Variants in TNS1 observed in about 807,000 individuals in gnomAD.
TNS1 encodes the protein tensin-1.
In TNS1, 62 loss-of-function variants were observed where a neutral mutation model predicts 168.6. The ratio of observed to expected loss-of-function variants is 0.37; its 90% CI spans 0.30 to 0.45. The LOEUF (loss-of-function observed/expected upper bound fraction) is 0.45. TNS1 is among the 20% of genes least tolerant of loss of function. TNS1 has a pLI of 1.00. For missense variants in TNS1, 2,240 were observed against 2,339.4 expected, an observed-to-expected ratio of 0.96 and a Z score of 0.88; for synonymous variants, 934 against 933.2, an observed-to-expected ratio of 1.00 and a Z score of -0.02.
intron 3 of TNS1, among the ~76,000 whole-genome samples, chr2:217,955,348 G>A (rs761791362): frequency 1.2e-4 from 19 of 152,214 alleles, no homozygotes; most frequent in Non-Finnish European, 2.1e-4. Flanking sequence ...GTGGGCCTCA[G>A]TTTCCCCTCA....
At chr2:217,981,549 G>A (rs926794816) in intron 2 of TNS1, among the ~76,000 whole-genome samples, 1 of 152,228 alleles carries the variant, frequency 6.6e-6, no homozygotes, top group African/African-American at 2.4e-5. Flanking sequence ...GGGAACGAGG[G>A]AAGACCACTC....
chr2:217,963,036 T>G (rs1158333403), intron 3 of TNS1, among the ~76,000 whole-genome samples: 1 of 152,212 alleles, frequency 6.6e-6, no homozygotes, highest in African/African-American at 2.4e-5. Flanking sequence ...GCAAATTTTG[T>G]GTAAGTTTAA....
At chr2:217,875,604 C>A (rs1950144039) in intron 18 of TNS1, among the ~76,000 whole-genome samples, 1 of 152,144 alleles carries the variant, frequency 6.6e-6, no homozygotes, top group Non-Finnish European at 1.5e-5. Flanking sequence ...CTATTTATTT[C>A]TTTCTCCTTC....
chr2:217,969,412 A>G (rs1015673673), intron 3 of TNS1, among the ~76,000 whole-genome samples: 2 of 152,218 alleles, frequency 1.3e-5, no homozygotes, highest in African/African-American at 4.8e-5. Flanking sequence ...ATTTGGCAAT[A>G]AATTCTTAGA....
intron 5 of TNS1, among the ~76,000 whole-genome samples, chr2:217,906,746 G>A (rs923765966): frequency 6.6e-5 from 10 of 152,088 alleles, no homozygotes; most frequent in East Asian, 1.9e-4. Flanking sequence ...GCTGGCCATC[G>A]CCAGGAGATC....
chr2:217,930,999 G>A (rs1956291493), intron 3 of TNS1, among the ~76,000 whole-genome samples: 1 of 152,144 alleles, frequency 6.6e-6, no homozygotes, highest in South Asian at 2.1e-4. Flanking sequence ...GTGAAAGGAG[G>A]TGACAGGCGT....
chr2:217,885,902 G>A (rs1400296367), intron 14 of TNS1, 83 bp from the exon 15 acceptor site: 18 of 1,554,984 alleles, frequency 1.2e-5, no homozygotes, highest in African/African-American at 6.8e-5. Context: ...CTGCCCCTAC[G>A]CCACAGGGTT....
chr2:217,805,861 C>T (rs937885170), intron 32 of TNS1, among the ~76,000 whole-genome samples: 18 of 135,850 alleles, frequency 1.3e-4, no homozygotes, highest in South Asian at 4.8e-4. Context: ...ACACACAACA[C>T]GCAAACACAA....
chr2:217,833,827 T>G (rs938239479), intron 21 of TNS1, among the ~76,000 whole-genome samples: 2 of 152,254 alleles, frequency 1.3e-5, no homozygotes, highest in Admixed American at 6.5e-5. Flanking sequence ...TTTACATTGA[T>G]TATACGTTGA....
intron 18 of TNS1, among the ~76,000 whole-genome samples, chr2:217,863,125 C>G (rs547500784): frequency 6.6e-6 from 1 of 152,214 alleles, no homozygotes; most frequent in Non-Finnish European, 1.5e-5. Context: ...TGGCCTGGCT[C>G]TTTGTTCTTC....
At chr2:217,864,607 TG>T (rs1949092331) in intron 18 of TNS1, among the ~76,000 whole-genome samples, 1 of 152,220 alleles carries the variant, frequency 6.6e-6, no homozygotes, top group Non-Finnish European at 1.5e-5. Flanking sequence ...GTCACAATGC[TG>T]GTTTATAACA....
intron 3 of TNS1, among the ~76,000 whole-genome samples, chr2:217,940,103 T>C (rs913123223): frequency 6.6e-6 from 1 of 152,154 alleles, no homozygotes; most frequent in African/African-American, 2.4e-5. Flanking sequence ...AGCTCACTTA[T>C]GCCCACACCT....
chr2:217,890,740 G>T, intron 12 of TNS1: 1 of 592,602 alleles, frequency 1.7e-6, no homozygotes, highest in Non-Finnish European at 3.0e-6. Flanking sequence ...ACAGGCCTCA[G>T]AGTCAAGTGC....
chr2:217,832,078 G>T (rs774417511), intron 21 of TNS1, among the ~76,000 whole-genome samples: 1 of 152,190 alleles, frequency 6.6e-6, no homozygotes, highest in South Asian at 2.1e-4. Flanking sequence ...GACAGAAGGA[G>T]ATAATGGGCC....
chr2:217,826,656 AC>A (rs1375053316), intron 22 of TNS1, among the ~76,000 whole-genome samples: 9 of 151,752 alleles, frequency 5.9e-5, no homozygotes, highest in African/African-American at 2.2e-4. Flanking sequence ...CACTCGCACC[AC>A]CTCTCCTGCT....
intron 3 of TNS1, among the ~76,000 whole-genome samples, chr2:217,964,321 C>A (rs937960057): frequency 2.6e-5 from 4 of 152,162 alleles, no homozygotes; most frequent in Admixed American, 2.6e-4. Flanking sequence ...ATCAAGAACT[C>A]AAGTCACAAA....
At chr2:217,859,650 C>T (rs992537231) in intron 18 of TNS1, 2 of 1,536,412 alleles carry the variant, frequency 1.3e-6, no homozygotes, top group African/African-American at 1.4e-5. Context: ...ATCCTCCAGG[C>T]CACCTGAGAT....
At chr2:217,962,690 A>G (rs924294948) in intron 3 of TNS1, among the ~76,000 whole-genome samples, 1 of 152,204 alleles carries the variant, frequency 6.6e-6, no homozygotes, top group African/African-American at 2.4e-5. Context: ...GAAAGAGAAA[A>G]TCAAACACAC....
At chr2:218,020,964 T>A (rs968273242) in intron 1 of TNS1, among the ~76,000 whole-genome samples, 3 of 152,186 alleles carry the variant, frequency 2.0e-5, no homozygotes, top group Non-Finnish European at 4.4e-5. Context: ...CTCAGCGAGA[T>A]GAGAGAAGAC....
Sources: allele counts gnomAD v4.1 joint callset (sites outside exome capture counted in the v4.1 genomes callset), GRCh38; gene constraint gnomAD v4.1.1; transcripts MANE v1.5; gene names NCBI Gene and HGNC (gene_info 2026-07-23, HGNC 2026-07-21).